THSD4: variants seen among roughly 807,000 people sequenced by gnomAD.
THSD4 encodes the protein thrombospondin type 1 domain containing 4.
Under a neutral mutation model 119.0 loss-of-function variants are expected in THSD4, and 69 were observed. The observed-to-expected ratio is 0.58, with a 90% CI of 0.48 to 0.71. THSD4 has a LOEUF of 0.71. THSD4 is among the 30% of genes least tolerant of loss of function. THSD4 has a pLI of 0.00. For synonymous variants in THSD4, 524 were observed against 540.4 expected (o/e 0.97, Z 0.42); for missense variants, 1,393 against 1,391.1 (o/e 1.00, Z -0.02).
In THSD4 at chr15:71,215,204, G is replaced by T. The variant is rs999302233; in HGVS notation, c.269G>T (p.Gly90Val). ...CCCCGCTCCTACCGCCTGCGCGGCG[G>T]CCAGCGGCCTGGCGCCCCTGCGCGC... ...CLPRSYRLRGGQRPGAPARAF... is the reference protein window; with the variant it reads ...CLPRSYRLRGVQRPGAPARAF... Residue 90 changes from glycine (G) to valine (V), a missense_variant, in exon 4 of 18, where the codon GGC becomes GTC. Physicochemically the swap from Gly to Val is moderately radical, Grantham distance 109. Coordinates refer to ENST00000261862, the MANE Select transcript of THSD4 (RefSeq NM_024817.3). The T allele has an allele frequency of 7.4e-7, 1 of 1,360,224 alleles. No homozygotes were observed. Among genetic ancestry groups the T allele is most frequent in the Non-Finnish European group, 9.4e-7 (1 of 1,061,322 alleles). 84.3% of individuals were successfully genotyped at this position (1,360,224 alleles called of 1,614,324 possible).
At chr15:71,387,455 T>C (rs1396475428) in intron 6 of THSD4, among the ~76,000 whole-genome samples, 2 of 152,210 alleles carry the variant, frequency 1.3e-5, no homozygotes, top group African/African-American at 4.8e-5. Flanking sequence ...CTAGAGTCTT[T>C]TTCCTAATAT....
chr15:71,719,886 G>T (rs1230966891), intron 8 of THSD4, among the ~76,000 whole-genome samples: 2 of 152,030 alleles, frequency 1.3e-5, no homozygotes, highest in Non-Finnish European at 2.9e-5. Context: ...ATGTTGCCCA[G>T]GTTGGTCTCA....
chr15:71,595,587 G>A (rs1405147968), intron 7 of THSD4, among the ~76,000 whole-genome samples: 1 of 138,534 alleles, frequency 7.2e-6, no homozygotes, highest in Non-Finnish European at 1.5e-5. Context: ...GCTTTAAAAT[G>A]AACTAATACA....
At chr15:71,668,923 G>T (rs1256674079) in intron 8 of THSD4, among the ~76,000 whole-genome samples, 4 of 152,220 alleles carry the variant, frequency 2.6e-5, no homozygotes, top group African/African-American at 7.2e-5. Context: ...AATTCTTGGA[G>T]AAGAAAACTT....
At chr15:71,704,944 AT>A (rs1440344118) in intron 8 of THSD4, among the ~76,000 whole-genome samples, 3 of 152,364 alleles carry the variant, frequency 2.0e-5, no homozygotes, top group Middle Eastern at 3.4e-3. Flanking sequence ...TAGGGAAGGA[AT>A]AAAAAGTCCA....
intron 4 of THSD4, among the ~76,000 whole-genome samples, chr15:71,228,927 C>T (rs1428308728): frequency 1.3e-5 from 2 of 152,202 alleles, no homozygotes; most frequent in African/African-American, 4.8e-5. Context: ...TGCCCTTTTC[C>T]TCAGTGATTG....
intron 3 of THSD4, among the ~76,000 whole-genome samples, chr15:71,205,209 G>A (rs138242731): frequency 1.2e-4 from 18 of 152,306 alleles, no homozygotes; most frequent in Middle Eastern, 3.4e-3. Flanking sequence ...CTTGAGAAGC[G>A]TAGCACAGCA....
chr15:71,353,465 G>T (rs2045769801), intron 6 of THSD4, among the ~76,000 whole-genome samples: 1 of 152,126 alleles, frequency 6.6e-6, no homozygotes, highest in Non-Finnish European at 1.5e-5. Context: ...CCTAAACTGT[G>T]GTTTCCTTTA....
At chr15:71,478,920 T>G (rs961350899) in intron 7 of THSD4, among the ~76,000 whole-genome samples, 1 of 152,180 alleles carries the variant, frequency 6.6e-6, no homozygotes, top group Non-Finnish European at 1.5e-5. Context: ...CTGTCATTTT[T>G]CTGCAAGTGA....
intron 4 of THSD4, among the ~76,000 whole-genome samples, chr15:71,240,483 A>T (rs1354528664): frequency 6.6e-6 from 1 of 152,110 alleles, no homozygotes; most frequent in African/African-American, 2.4e-5. Context: ...AGCTTGTTGG[A>T]AATGCAGACT....
At chr15:71,228,887 C>A (rs1426731115) in intron 4 of THSD4, among the ~76,000 whole-genome samples, 1 of 152,172 alleles carries the variant, frequency 6.6e-6, no homozygotes, top group East Asian at 1.9e-4. Flanking sequence ...TCTTGTGGGC[C>A]ACATGGATCC....
chr15:71,225,909 CTCTTCAAT>C (rs1234779556), intron 4 of THSD4, among the ~76,000 whole-genome samples: 1 of 152,040 alleles, frequency 6.6e-6, no homozygotes, highest in Non-Finnish European at 1.5e-5. Context: ...GACATTGTAA[CTCTTCAAT>C]TCCCTCCATT....
intron 7 of THSD4, among the ~76,000 whole-genome samples, chr15:71,415,099 C>T (rs2046741720): frequency 6.6e-6 from 1 of 152,236 alleles, no homozygotes; most frequent in Admixed American, 6.5e-5. Context: ...ACAGTTTTCC[C>T]TAAGATGTGC....
intron 15 of THSD4, among the ~76,000 whole-genome samples, chr15:71,758,819 T>C (rs1420150368): frequency 6.6e-6 from 1 of 152,216 alleles, no homozygotes; most frequent in Non-Finnish European, 1.5e-5. Context: ...TAAGTAGCAT[T>C]AAAAACTGAC....
At chr15:71,535,552 T>C (rs1595865698) in intron 7 of THSD4, among the ~76,000 whole-genome samples, 1 of 152,166 alleles carries the variant, frequency 6.6e-6, no homozygotes, top group Admixed American at 6.6e-5. Context: ...TGCAGACTTT[T>C]CCAAGGCAGC....
chr15:71,642,053 G>A (rs1045399342), intron 7 of THSD4, among the ~76,000 whole-genome samples: 1 of 152,148 alleles, frequency 6.6e-6, no homozygotes, highest in Admixed American at 6.6e-5. Context: ...GCAATGGACC[G>A]TACACAGAGA....
intron 6 of THSD4, among the ~76,000 whole-genome samples, chr15:71,298,123 A>G (rs2044890851): frequency 1.3e-5 from 2 of 152,136 alleles, no homozygotes; most frequent in African/African-American, 4.8e-5. Flanking sequence ...ATTTTTGTAT[A>G]TGGTGTAAGG....
chr15:71,249,991 C>T (rs556861486), intron 5 of THSD4, among the ~76,000 whole-genome samples: 1 of 152,224 alleles, frequency 6.6e-6, no homozygotes, highest in South Asian at 2.1e-4. Flanking sequence ...CTTGATTTTT[C>T]AACATTAGGA....
At chr15:71,691,928 A>G (rs2052060094) in intron 8 of THSD4, among the ~76,000 whole-genome samples, 1 of 152,196 alleles carries the variant, frequency 6.6e-6, no homozygotes, top group Non-Finnish European at 1.5e-5. Context: ...CCGAAGATCA[A>G]GCCGTCCAGG....
Sources: gnomAD v4.1 joint callset for allele counts (sites outside exome capture counted in the v4.1 genomes callset) on GRCh38, gnomAD v4.1.1 for gene constraint, MANE v1.5 for transcripts, NCBI Gene and HGNC (gene_info 2026-07-23, HGNC 2026-07-21) for gene names.